PEX5L: variants seen among roughly 807,000 people sequenced by gnomAD.
The protein encoded by PEX5L is peroxisomal biogenesis factor 5 like.
Under a neutral mutation model 84.0 loss-of-function variants are expected in PEX5L, and 30 were observed. The ratio of observed to expected loss-of-function variants is 0.36; its 90% CI spans 0.27 to 0.48. PEX5L has a LOEUF of 0.48. PEX5L is among the 20% of genes least tolerant of loss of function. The pLI, the probability that PEX5L is intolerant of heterozygous loss-of-function variation, is 0.99. For missense variants in PEX5L, 533 were observed against 754.6 expected (o/e 0.71, Z 3.44); for synonymous variants, 270 against 283.1 (o/e 0.95, Z 0.46).
chr3:180,021,731 T>C (rs1445807285), intron 1 of PEX5L, among the ~76,000 whole-genome samples: 2 of 152,172 alleles, frequency 1.3e-5, no homozygotes, highest in African/African-American at 2.4e-5. Flanking sequence ...ACATGTTGAC[T>C]TTGAGTTGGA....
chr3:179,809,073 CAAAAAAAAA>C (rs10684376), intron 12 of PEX5L, among the ~76,000 whole-genome samples: 672 of 47,786 alleles, frequency 0.014, 13 homozygotes, highest in African/African-American at 0.051. Context: ...GATTCCGCCT[CAAAAAAAAA>C]AAAAAAAAAA....
At chr3:179,914,290 G>A (rs1366843516) in intron 2 of PEX5L, among the ~76,000 whole-genome samples, 1 of 152,046 alleles carries the variant, frequency 6.6e-6, no homozygotes, top group African/African-American at 2.4e-5. Context: ...CTTCCTCCCC[G>A]ACAGCACTAC....
intron 8 of PEX5L, among the ~76,000 whole-genome samples, chr3:179,829,151 C>G (rs1361602183): frequency 1.3e-5 from 2 of 152,144 alleles, no homozygotes; most frequent in African/African-American, 4.8e-5. Context: ...ATTTATTAGT[C>G]TAGTGGGATT....
At chr3:179,965,260 C>A (rs577270024) in intron 2 of PEX5L, among the ~76,000 whole-genome samples, 3 of 152,158 alleles carry the variant, frequency 2.0e-5, no homozygotes, top group Non-Finnish European at 4.4e-5. Context: ...TCAGGAGGCA[C>A]GAGTTACAGA....
intron 1 of PEX5L, among the ~76,000 whole-genome samples, chr3:180,018,333 T>C (rs1320524535): frequency 1.3e-5 from 2 of 152,158 alleles, no homozygotes; most frequent in Non-Finnish European, 2.9e-5. Context: ...GCTGGAACCA[T>C]TTTAGCCAGT....
intron 3 of PEX5L, chr3:179,888,250 G>T: frequency 1.1e-6 from 1 of 915,876 alleles, no homozygotes; most frequent in Non-Finnish European, 1.5e-6. Flanking sequence ...GTGGATAAAT[G>T]CCTGCCTCGT....
chr3:179,824,318 C>A (rs1277623858), intron 8 of PEX5L, among the ~76,000 whole-genome samples: 1 of 152,108 alleles, frequency 6.6e-6, no homozygotes, highest in Non-Finnish European at 1.5e-5. Flanking sequence ...TTCTTTTTGC[C>A]TCTTTAGACT....
intron 2 of PEX5L, among the ~76,000 whole-genome samples, chr3:179,900,484 C>CT (rs1219022096): frequency 6.6e-6 from 1 of 152,072 alleles, no homozygotes; most frequent in Non-Finnish European, 1.5e-5. Flanking sequence ...CATAGAGATA[C>CT]TTTTTTACAT....
chr3:180,022,594 A>C (rs141298859), intron 1 of PEX5L, among the ~76,000 whole-genome samples: 4,508 of 152,330 alleles, frequency 0.03, 103 homozygotes, highest in Non-Finnish European at 0.042. Context: ...AAAGTACAAA[A>C]TAAAACATAA....
At chr3:179,883,793 A>T (rs1754908459) in intron 4 of PEX5L, among the ~76,000 whole-genome samples, 1 of 151,690 alleles carries the variant, frequency 6.6e-6, no homozygotes, top group African/African-American at 2.4e-5. Flanking sequence ...TCAAAAAAAA[A>T]TGTCTCTCTG....
intron 8 of PEX5L, among the ~76,000 whole-genome samples, chr3:179,848,354 C>T (rs1740432566): frequency 6.6e-6 from 1 of 151,854 alleles, no homozygotes. Context: ...AGTTCAAGAC[C>T]AGCTTGGGCA....
chr3:179,888,287 C>T, intron 3 of PEX5L: 1 of 454,084 alleles, frequency 2.2e-6, no homozygotes, highest in Non-Finnish European at 4.0e-6. Context: ...GCTCAGGTCA[C>T]CTAAAAACAC....
intron 5 of PEX5L, among the ~76,000 whole-genome samples, chr3:179,879,632 A>G (rs1753557523): frequency 6.6e-6 from 1 of 152,222 alleles, no homozygotes; most frequent in Non-Finnish European, 1.5e-5. Flanking sequence ...CCTACAGAGC[A>G]AGATGCACAT....
chr3:179,841,289 T>C (rs1420753812), intron 8 of PEX5L, among the ~76,000 whole-genome samples: 1 of 152,146 alleles, frequency 6.6e-6, no homozygotes, highest in Non-Finnish European at 1.5e-5. Flanking sequence ...CATTTGCATG[T>C]ATTCTTCCCT....
chr3:179,876,349 G>C (rs1480757609), intron 5 of PEX5L, among the ~76,000 whole-genome samples: 1 of 151,586 alleles, frequency 6.6e-6, no homozygotes, highest in Admixed American at 6.6e-5. Context: ...AAAAAAAAAT[G>C]AATGGGGTGT....
At chr3:180,028,925 C>T (rs2108353292) in intron 1 of PEX5L, among the ~76,000 whole-genome samples, 1 of 152,300 alleles carries the variant, frequency 6.6e-6, no homozygotes, top group Admixed American at 6.5e-5. Flanking sequence ...AACATCAGAA[C>T]ACTTTATAGA....
chr3:179,909,218 T>C (rs892530670), intron 2 of PEX5L, among the ~76,000 whole-genome samples: 7 of 152,138 alleles, frequency 4.6e-5, no homozygotes, highest in African/African-American at 1.7e-4. Flanking sequence ...ATATTTGAGT[T>C]CTTCCAGTTT....
Position 179,846,590 on chromosome 3 carries a change from G to A in PEX5L, c.822+12472C>T, listed in dbSNP as rs140821508. ...ATTATTTCTGGGTGTGCTTATGAGG[G>A]TATTTCTGAATGAGCCTAGCATTTG... On this transcript the variant is annotated intron_variant, in intron 8 of 14. Coordinates refer to ENST00000467460, the MANE Select transcript of PEX5L (RefSeq NM_016559.3). 2.4e-4 allele frequency among the ~76,000 whole-genome samples: 37 copies of A among 152,284 alleles called. 2 individuals are homozygous for A. The highest frequency in any genetic ancestry group is 7.7e-4 in the African/African-American group (32 of 41,554).
intron 7 of PEX5L, among the ~76,000 whole-genome samples, chr3:179,865,391 G>A (rs969041098): frequency 1.3e-5 from 2 of 152,050 alleles, no homozygotes; most frequent in Non-Finnish European, 2.9e-5. Flanking sequence ...ATTAGTATGC[G>A]GTTAAAGATC....
Sources: gnomAD v4.1 joint callset for allele counts (sites outside exome capture counted in the v4.1 genomes callset) on GRCh38, gnomAD v4.1.1 for gene constraint, MANE v1.5 for transcripts, NCBI Gene and HGNC (gene_info 2026-07-23, HGNC 2026-07-21) for gene names.